Variants in CADM2 observed in about 807,000 individuals in gnomAD.
The protein encoded by CADM2 is cell adhesion molecule 2, also known as immunoglobulin superfamily member 4D.
Under a neutral mutation model 49.8 loss-of-function variants are expected in CADM2, and 12 were observed. That is an observed-to-expected ratio of 0.24 (90% confidence interval 0.15 to 0.39). CADM2 has a LOEUF of 0.39. Ranked by LOEUF, CADM2 falls within the 10% of genes least tolerant of loss-of-function variation. The probability of loss-of-function intolerance (pLI) is 1.00; values close to 1 mark genes in which losing one functional copy is unlikely to be tolerated. For missense variants in CADM2, 378 were observed against 492.3 expected, an observed-to-expected ratio of 0.77 and a Z score of 2.20; for synonymous variants, 214 against 175.4, an observed-to-expected ratio of 1.22 and a Z score of -1.74.
At chr3:85,653,277 AGAGAG>A (rs2065109213) in intron 1 of CADM2, among the ~76,000 whole-genome samples, 1 of 149,222 alleles carries the variant, frequency 6.7e-6, no homozygotes, top group Admixed American at 6.8e-5. Flanking sequence ...GGATTTAAAC[AGAGAG>A]TAGAGTTAGG....
chr3:85,246,861 A>G (rs2042660801), intron 1 of CADM2, among the ~76,000 whole-genome samples: 1 of 152,058 alleles, frequency 6.6e-6, no homozygotes, highest in African/African-American at 2.4e-5. Context: ...TTTGCTGTGT[A>G]TATTTTGTTG....
chr3:84,976,733 C>G (rs1038001444), intron 1 of CADM2, among the ~76,000 whole-genome samples: 5 of 151,950 alleles, frequency 3.3e-5, no homozygotes, highest in African/African-American at 1.2e-4. Context: ...AAGAGGCTTT[C>G]TTAATAATTA....
chr3:85,510,930 A>G (rs1176926243), intron 1 of CADM2, among the ~76,000 whole-genome samples: 1 of 152,118 alleles, frequency 6.6e-6, no homozygotes, highest in African/African-American at 2.4e-5. Context: ...CTAGTTTCCA[A>G]TATCCAATAC....
chr3:85,299,614 A>G (rs925471685), intron 1 of CADM2, among the ~76,000 whole-genome samples: 1 of 152,028 alleles, frequency 6.6e-6, no homozygotes, highest in Non-Finnish European at 1.5e-5. Flanking sequence ...GGGGACTCCA[A>G]AGCTGTTCTG....
intron 1 of CADM2, among the ~76,000 whole-genome samples, chr3:85,341,745 G>C (rs757690763): frequency 3.3e-5 from 5 of 151,918 alleles, no homozygotes; most frequent in Non-Finnish European, 7.4e-5. Context: ...GACTTCAAAA[G>C]ACAGATAAAT....
chr3:85,329,379 A>G (rs1333450232), intron 1 of CADM2, among the ~76,000 whole-genome samples: 1 of 139,810 alleles, frequency 7.2e-6, no homozygotes, highest in Non-Finnish European at 1.5e-5. Context: ...TACTAAACAC[A>G]TACACACACA....
At chr3:85,031,618 C>T in intron 1 of CADM2, among the ~76,000 whole-genome samples, 1 of 152,088 alleles carries the variant, frequency 6.6e-6, no homozygotes, top group Non-Finnish European at 1.5e-5. Flanking sequence ...GGGTTCACGC[C>T]ACTCTCCTGC....
intron 1 of CADM2, among the ~76,000 whole-genome samples, chr3:85,723,084 T>C (rs2067564808): frequency 6.6e-6 from 1 of 152,194 alleles, no homozygotes; most frequent in Non-Finnish European, 1.5e-5. Flanking sequence ...ATCATTCACA[T>C]GATTTTTCCT....
At chr3:85,568,176 G>A (rs1279136877) in intron 1 of CADM2, among the ~76,000 whole-genome samples, 1 of 152,170 alleles carries the variant, frequency 6.6e-6, no homozygotes, top group African/African-American at 2.4e-5. Flanking sequence ...GAGGGGGAAC[G>A]CTGTGGGCAG....
At chr3:85,167,304 G>A (rs1471629560) in intron 1 of CADM2, among the ~76,000 whole-genome samples, 2 of 151,904 alleles carry the variant, frequency 1.3e-5, no homozygotes, top group Non-Finnish European at 2.9e-5. Flanking sequence ...CCATTTAGCA[G>A]TTAAGAAATA....
At chr3:85,520,330 A>G (rs1170501574) in intron 1 of CADM2, among the ~76,000 whole-genome samples, 1 of 151,898 alleles carries the variant, frequency 6.6e-6, no homozygotes, top group East Asian at 1.9e-4. Flanking sequence ...TTAGTATATA[A>G]GAAACACAAA....
chr3:85,107,574 CTCTT>C (rs755382316), intron 1 of CADM2, among the ~76,000 whole-genome samples: 5 of 123,468 alleles, frequency 4.0e-5, no homozygotes, highest in East Asian at 1.9e-4. Context: ...CTCTCTTTCT[CTCTT>C]TCTTTCTTTT....
At chr3:85,239,420 A>C (rs1314714666) in intron 1 of CADM2, among the ~76,000 whole-genome samples, 1 of 151,736 alleles carries the variant, frequency 6.6e-6, no homozygotes, top group Non-Finnish European at 1.5e-5. Context: ...CATTGTAAAC[A>C]ATGAAACTAT....
intron 1 of CADM2, among the ~76,000 whole-genome samples, chr3:85,479,032 C>A (rs1374993993): frequency 1.3e-5 from 2 of 151,820 alleles, no homozygotes; most frequent in African/African-American, 4.8e-5. Flanking sequence ...AAGCTTCAAC[C>A]TCCTGGGCTC....
chr3:85,613,046 C>T (rs1009315651), intron 1 of CADM2, among the ~76,000 whole-genome samples: 1 of 151,602 alleles, frequency 6.6e-6, no homozygotes, highest in Non-Finnish European at 1.5e-5. Context: ...GGCTTAATGA[C>T]AAATTTCACA....
At chr3:85,741,755 T>C (rs932187094) in intron 2 of CADM2, among the ~76,000 whole-genome samples, 4 of 152,230 alleles carry the variant, frequency 2.6e-5, no homozygotes, top group Non-Finnish European at 4.4e-5. Context: ...AAATCAAATA[T>C]ACTTGTTACT....
chr3:85,357,655 C>T (rs2031986385), intron 1 of CADM2, among the ~76,000 whole-genome samples: 1 of 113,324 alleles, frequency 8.8e-6, no homozygotes, highest in Admixed American at 1.1e-4. Flanking sequence ...CAAATCCATT[C>T]ATCTTTATCA....
At chr3:85,076,883 A>G (rs2107489171) in intron 1 of CADM2, among the ~76,000 whole-genome samples, 1 of 152,216 alleles carries the variant, frequency 6.6e-6, no homozygotes, top group East Asian at 2.0e-4. Flanking sequence ...GAGGCAGGAG[A>G]ATCGCTTGAA....
chr3:85,240,570 G>A (rs573752993), intron 1 of CADM2, among the ~76,000 whole-genome samples: 1 of 151,436 alleles, frequency 6.6e-6, no homozygotes, highest in Non-Finnish European at 1.5e-5. Flanking sequence ...GATTCAAATA[G>A]GGAACCCAAC....
Sources: allele counts gnomAD v4.1 joint callset (sites outside exome capture counted in the v4.1 genomes callset), GRCh38; gene constraint gnomAD v4.1.1; transcripts MANE v1.5; gene names NCBI Gene and HGNC (gene_info 2026-07-23, HGNC 2026-07-21).